GOLGA7: variants seen among roughly 807,000 people sequenced by gnomAD.
GOLGA7 encodes golgin A7.
GOLGA7 carries 10 observed loss-of-function variants against 21.1 expected under a neutral mutation model. The observed-to-expected ratio is 0.47, with a 90% CI of 0.29 to 0.80. The LOEUF (loss-of-function observed/expected upper bound fraction) is 0.80, where lower values mean the gene tolerates loss of function less well. Ranked by LOEUF, GOLGA7 falls within the 30% of genes least tolerant of loss-of-function variation. The pLI is 0.08. For missense variants in GOLGA7, 114 were observed against 166.8 expected (o/e 0.68, Z 1.74); for synonymous variants, 64 against 62.6 (o/e 1.02, Z -0.10).
rs971822514 is a variant in GOLGA7 at position 41,505,908 on chromosome 8, C to T, written c.265-3C>T. On this transcript the variant is annotated splice_polypyrimidine_tract_variant and splice_region_variant and intron_variant, in intron 2 of 4. Coordinates refer to ENST00000357743, the MANE Select transcript of GOLGA7 (RefSeq NM_001002296.2). Reference sequence around the variant, plus strand: ...AAGAAGCTGTGGTGTTTCTTTCTGTCAGGTTCTGAAGAAAGTCTCCAAATA... The same window carrying T: ...AAGAAGCTGTGGTGTTTCTTTCTGTTAGGTTCTGAAGAAAGTCTCCAAATA... 7.4e-6 allele frequency: 11 copies of T among 1,487,848 alleles called. No homozygotes were observed. Among genetic ancestry groups the T allele is most frequent in the Non-Finnish European group, 1.0e-5 (11 of 1,074,904 alleles). The allele number at this position is 1,487,848 out of a possible 1,614,324, so 92.2% of individuals were successfully genotyped here.
intron 2 of GOLGA7, among the ~76,000 whole-genome samples, chr8:41,502,972 T>C (rs1806185053): frequency 6.6e-6 from 1 of 152,230 alleles, no homozygotes; most frequent in Non-Finnish European, 1.5e-5. Flanking sequence ...GATTGTGGTA[T>C]GAGTTTACAC....
intron 2 of GOLGA7, among the ~76,000 whole-genome samples, chr8:41,501,884 A>C (rs1011977730): frequency 5.3e-5 from 8 of 152,216 alleles, no homozygotes; most frequent in Non-Finnish European, 1.2e-4. Flanking sequence ...GGTCCTAAAT[A>C]CCAGAAATAC....
In GOLGA7 at chr8:41,507,079, A is replaced by C. The variant is rs757891931; in HGVS notation, c.387A>C (p.Glu129Asp). Reference protein sequence around the residue: ...GLRVIEITIYEDRGMSSGR With the variant: ...GLRVIEITIYDDRGMSSGR ...TTTAGATTGAAATTACCATTTATGA[A>C]GACAGAGGCATGAGCAGTGGAAGAT... is the stretch of plus-strand genomic sequence containing the variant. Residue 129 changes from glutamate (E) to aspartate (D), a missense_variant, in exon 4 of 5, where the codon GAA becomes GAC. Glu to Asp is a conservative substitution (Grantham distance 45). Transcript: ENST00000357743. 5.0e-5 allele frequency: 68 copies of C among 1,364,824 alleles called. No homozygotes were observed. In the East Asian group the frequency reaches 1.5e-3, roughly 31 times the overall value. 84.5% of individuals were successfully genotyped at this position (1,364,824 alleles called of 1,614,324 possible). A position where few individuals can be genotyped will look rare whatever the true frequency, so the allele number is the denominator to read the frequency against.
chr8:41,510,492 A>G lies in GOLGA7; in HGVS notation c.*924A>G, dbSNP rs1185458898. 1 of 152,668 alleles carries G rather than the reference A, an allele frequency of 6.6e-6. No homozygotes were observed. Among genetic ancestry groups the G allele is most frequent in the Non-Finnish European group, 1.5e-5 (1 of 68,038 alleles). 9.5% of individuals were successfully genotyped at this position (152,668 alleles called of 1,614,324 possible). A position where few individuals can be genotyped will look rare whatever the true frequency, so the allele number is the denominator to read the frequency against. ...TAATACTGTATATTACTAATTTTTA[A>G]CTATCCCTAAGGCAAACCTTATGAC... is the stretch of plus-strand genomic sequence containing the variant. On this transcript the variant is annotated 3_prime_UTR_variant, in exon 5 of 5. Transcript: ENST00000357743.
At chr8:41,492,992 G>A (rs917379230) in intron 1 of GOLGA7, among the ~76,000 whole-genome samples, 1 of 152,176 alleles carries the variant, frequency 6.6e-6, no homozygotes, top group Non-Finnish European at 1.5e-5. Context: ...GGAAATTGAT[G>A]TTTCTAAATT....
At chr8:41,502,946 G>A (rs569435205) in intron 2 of GOLGA7, among the ~76,000 whole-genome samples, 4 of 152,192 alleles carry the variant, frequency 2.6e-5, no homozygotes, top group East Asian at 1.9e-4. Flanking sequence ...TGAGAATGGC[G>A]CTTTGTCCTT....
At chr8:41,495,360 C>T (rs2150438952) in intron 1 of GOLGA7, among the ~76,000 whole-genome samples, 1 of 151,922 alleles carries the variant, frequency 6.6e-6, no homozygotes, top group Non-Finnish European at 1.5e-5. Context: ...TCTCAGTTCA[C>T]TGCAACCTCC....
intron 4 of GOLGA7, among the ~76,000 whole-genome samples, chr8:41,507,862 G>T (rs948591428): frequency 6.6e-6 from 1 of 152,180 alleles, no homozygotes; most frequent in African/African-American, 2.4e-5. Flanking sequence ...AGTTGACTGT[G>T]CTTATAGGTA....
chr8:41,493,515 T>C (rs1805935944), intron 1 of GOLGA7, among the ~76,000 whole-genome samples: 1 of 152,254 alleles, frequency 6.6e-6, no homozygotes, highest in Non-Finnish European at 1.5e-5. Context: ...CTTAAGCGAT[T>C]TGTTGCCAGA....
At chr8:41,506,983 A>C in intron 3 of GOLGA7, 76 bp from the exon 4 acceptor site, 1 of 781,608 alleles carries the variant, frequency 1.3e-6, no homozygotes, top group Non-Finnish European at 2.3e-6. Flanking sequence ...TCTGCAGATC[A>C]CACCCTCCAC....
chr8:41,497,650 C>A lies in GOLGA7; in HGVS notation c.253C>A (p.His85Asn). ...TACCATCTTCCTATGCATGGAAACT[C>A]ATTATGAGAAGGTAATGCTACATTT... ...AYTIFLCMETHYEKVLKKVSK... is the reference protein window; with the variant it reads ...AYTIFLCMETNYEKVLKKVSK... Residue 85 changes from histidine to asparagine, a missense_variant, in exon 2 of 5, where the codon CAT becomes AAT. His to Asn is a moderately conservative substitution (Grantham distance 68). Coordinates refer to ENST00000357743, the MANE Select transcript of GOLGA7 (RefSeq NM_001002296.2). 6.5e-7 allele frequency: 1 copy of A among 1,535,558 alleles called. No individual in the cohort carries two copies. Among genetic ancestry groups the A allele is most frequent in the Non-Finnish European group, 8.9e-7 (1 of 1,119,658 alleles).
chr8:41,509,759 C>CT lies in GOLGA7; in HGVS notation c.*194dup, dbSNP rs1473173874. On this transcript the variant is annotated 3_prime_UTR_variant, in exon 5 of 5. Coordinates refer to ENST00000357743, the MANE Select transcript of GOLGA7 (RefSeq NM_001002296.2). ...GTGACCTCTAGTCGCTCAGCATCCACTTTGTGTCTCCAAATTGTGTAGGAC... is the reference window on the plus strand; with the variant it reads ...GTGACCTCTAGTCGCTCAGCATCCACTTTTGTGTCTCCAAATTGTGTAGGAC... 1 of 152,658 alleles carries CT rather than the reference C, an allele frequency of 6.6e-6. No individual in the cohort carries two copies. The highest frequency in any genetic ancestry group is 1.5e-5 in the Non-Finnish European group (1 of 68,048). The allele number at this position is 152,658 out of a possible 1,614,324, so 9.5% of individuals were successfully genotyped here.
intron 1 of GOLGA7, among the ~76,000 whole-genome samples, chr8:41,493,908 A>G (rs755752295): frequency 1.3e-5 from 2 of 152,240 alleles, no homozygotes; most frequent in Non-Finnish European, 2.9e-5. Context: ...TTCATAGCCT[A>G]AAGGTAGTAA....
rs563999659 is a variant in GOLGA7 at position 41,507,293 on chromosome 8, C to T, written c.*15+172C>T. Among the ~76,000 whole-genome samples the T allele has an allele frequency of 1.6e-4, 24 of 152,256 alleles. 1 individual carries two copies. In the South Asian group the frequency reaches 4.6e-3, roughly 29 times the overall value. On this transcript the variant is annotated intron_variant, in intron 4 of 4. Transcript: ENST00000357743. ...TAGCTTGATATTTAAAATGTGTATT[C>T]GGCCCAAGTTCTATTTGGTGATAGA...
At chr8:41,507,342 C>T (rs535690334) in intron 4 of GOLGA7, among the ~76,000 whole-genome samples, 39 of 151,762 alleles carry the variant, frequency 2.6e-4, no homozygotes, top group Non-Finnish European at 5.2e-4. Context: ...ATTTTTTTTC[C>T]TGCTGTATTG....
chr8:41,496,076 C>T (rs1156342689), intron 1 of GOLGA7, among the ~76,000 whole-genome samples: 5 of 152,010 alleles, frequency 3.3e-5, no homozygotes, highest in Non-Finnish European at 5.9e-5. Flanking sequence ...AGTCTAAACA[C>T]GAAATTCATT....
At chr8:41,500,181 TAAC>T (rs1310744268) in intron 2 of GOLGA7, among the ~76,000 whole-genome samples, 1 of 152,172 alleles carries the variant, frequency 6.6e-6, no homozygotes, top group Non-Finnish European at 1.5e-5. Context: ...AAGCTGATAA[TAAC>T]AAGGAAACAA....
intron 1 of GOLGA7, among the ~76,000 whole-genome samples, chr8:41,495,552 G>A (rs945078759): frequency 1.3e-5 from 2 of 150,596 alleles, no homozygotes; most frequent in Admixed American, 1.3e-4. Context: ...CCCAAGTGCT[G>A]GGATTACAGG....
chr8:41,510,066 C>T lies in GOLGA7; in HGVS notation c.*498C>T, dbSNP rs1272206817. The T allele has an allele frequency of 1.3e-5, 2 of 152,536 alleles. No homozygotes were observed. Among genetic ancestry groups the T allele is most frequent in the Admixed American group, 1.3e-4 (2 of 15,292 alleles). 9.4% of individuals were successfully genotyped at this position (152,536 alleles called of 1,614,324 possible). ...GGTTGGCTGTGGCTGTCGTTTTGCA[C>T]CTCCCAGATTTCAAAGAATTACTGG... On this transcript the variant is annotated 3_prime_UTR_variant, in exon 5 of 5. Coordinates refer to ENST00000357743, the MANE Select transcript of GOLGA7 (RefSeq NM_001002296.2).
Sources: allele counts gnomAD v4.1 joint callset (sites outside exome capture counted in the v4.1 genomes callset), GRCh38; gene constraint gnomAD v4.1.1; transcripts MANE v1.5; gene names NCBI Gene and HGNC (gene_info 2026-07-23, HGNC 2026-07-21).